The following SERF2 variants were observed in gnomAD, a reference collection of about 807,000 sequenced individuals.
SERF2 encodes the protein small EDRK-rich factor 2, also known as gastric cancer-related protein VRG107.
SERF2 carries 4 observed loss-of-function variants against 10.7 expected under a neutral mutation model. The observed-to-expected ratio is 0.37, with a 90% CI of 0.18 to 0.86. The LOEUF is 0.86. SERF2 is among the 40% of genes least tolerant of loss of function. SERF2 has a pLI of 0.43. For synonymous variants in SERF2, 26 were observed against 26.0 expected (o/e 1.00, Z 0.01); for missense variants, 47 against 79.1 (o/e 0.59, Z 1.54).
chr15:43,780,846 G>A (rs2086958823), intron 1 of SERF2, among the ~76,000 whole-genome samples: 1 of 152,134 alleles, frequency 6.6e-6, no homozygotes, highest in Non-Finnish European at 1.5e-5. Context: ...AGTTTGAGGT[G>A]CAACAGCAAA....
chr15:43,785,041 C>CCGCGCCCCGCCTGAA (rs1312258551), intron 1 of SERF2, among the ~76,000 whole-genome samples: 1 of 150,696 alleles, frequency 6.6e-6, no homozygotes, highest in African/African-American at 2.4e-5. Context: ...GCGTGAGCCA[C>CCGCGCCCCGCCTGAA]TGTGCTCTGC....
At chr15:43,786,850 G>T (rs892644698) in intron 2 of SERF2, among the ~76,000 whole-genome samples, 1 of 152,104 alleles carries the variant, frequency 6.6e-6, no homozygotes, top group South Asian at 2.1e-4. Context: ...TCATGTCAAC[G>T]GGAAACAGCA....
intron 1 of SERF2, among the ~76,000 whole-genome samples, chr15:43,784,426 G>A (rs1256605475): frequency 6.6e-6 from 1 of 152,020 alleles, no homozygotes; most frequent in African/African-American, 2.4e-5. Flanking sequence ...GGCACTCTGT[G>A]ACCTCCCTCT....
At chr15:43,778,760 G>A (rs976005650) in intron 1 of SERF2, among the ~76,000 whole-genome samples, 1 of 151,908 alleles carries the variant, frequency 6.6e-6, no homozygotes, top group Non-Finnish European at 1.5e-5. Flanking sequence ...AAATTAACCA[G>A]GTGTGGTGGC....
At chr15:43,790,954 G>C (rs1181361203), upstream of SERF2, among the ~76,000 whole-genome samples, 10 of 144,376 alleles carry the variant, frequency 6.9e-5, no homozygotes, top group African/African-American at 2.6e-4. Flanking sequence ...ATTTTTAGTA[G>C]AGACGGGGTT....
intron 1 of SERF2, 35 bp from the exon 2 acceptor site, chr15:43,792,940 G>A: frequency 6.8e-7 from 1 of 1,468,254 alleles, no homozygotes. Context: ...GGGCAGAGCG[G>A]CCCCCGCGTC....
At chr15:43,785,566 A>G (rs2086999826) in intron 2 of SERF2, 1 of 151,820 alleles carries the variant, frequency 6.6e-6, no homozygotes, top group African/African-American at 2.4e-5. Flanking sequence ...TGTTTTCTGA[A>G]TATCTGTTTT....
chr15:43,791,953 C>G (rs1048767044), upstream of SERF2: 1 of 257,982 alleles, frequency 3.9e-6, no homozygotes, highest in Admixed American at 4.6e-5. Context: ...ACCCCGCCCT[C>G]TTGTCTACGG....
Position 43,795,457 on chromosome 15 carries a change from T to TA in SERF2, c.*1685dup. On this transcript the variant is annotated 3_prime_UTR_variant, in exon 3 of 3. Coordinates refer to ENST00000249786, the MANE Select transcript of SERF2 (RefSeq NM_001018108.4). ...GAAGAAGACGAAGTGGAAGGCAGAATAGTTGTAGGAAAGATGCTGGACTTG... is the reference window on the plus strand; with the variant it reads ...GAAGAAGACGAAGTGGAAGGCAGAATAAGTTGTAGGAAAGATGCTGGACTTG... The TA allele has an allele frequency of 6.2e-7, 1 of 1,614,152 alleles. No homozygotes were observed. Among genetic ancestry groups the TA allele is most frequent in the Non-Finnish European group, 8.5e-7 (1 of 1,180,026 alleles).
intron 1 of SERF2, 49 bp from the exon 2 acceptor site, chr15:43,792,926 G>T: frequency 1.5e-6 from 2 of 1,356,602 alleles, no homozygotes; most frequent in Non-Finnish European, 2.1e-6. Context: ...GGTCGCCGGT[G>T]TGTGGGCAGA....
intron 2 of SERF2, 85 bp downstream of exon 2, chr15:43,793,168 C>A: frequency 1.2e-6 from 1 of 832,098 alleles, no homozygotes; most frequent in South Asian, 1.5e-5. Flanking sequence ...TACCTCAGGG[C>A]TTGAATGTGG....
intron 2 of SERF2, chr15:43,793,487 G>C: frequency 7.5e-7 from 1 of 1,325,140 alleles, no homozygotes; most frequent in Non-Finnish European, 1.0e-6. Flanking sequence ...CCTTGGGCCT[G>C]TGTCACCAGA....
upstream of SERF2, among the ~76,000 whole-genome samples, chr15:43,790,002 C>T (rs767586085): frequency 2.6e-5 from 4 of 152,024 alleles, no homozygotes; most frequent in Non-Finnish European, 4.4e-5. Flanking sequence ...ATTAGCCGAG[C>T]GTGGTGGCAC....
upstream of SERF2, chr15:43,791,867 A>G (rs117809344): frequency 6.7e-3 from 1,096 of 164,108 alleles, 19 homozygotes; most frequent in East Asian, 0.041. Context: ...ACTCGTGTCC[A>G]AATAAGTGGC....
chr15:43,789,943 C>A (rs1017984022), upstream of SERF2, among the ~76,000 whole-genome samples: 7 of 152,026 alleles, frequency 4.6e-5, no homozygotes, highest in Non-Finnish European at 1.0e-4. Context: ...GAGTTTGAGA[C>A]CAGCCTGACC....
upstream of SERF2, among the ~76,000 whole-genome samples, chr15:43,789,193 A>G (rs943538293): frequency 1.3e-5 from 2 of 151,632 alleles, no homozygotes; most frequent in Non-Finnish European, 2.9e-5. Context: ...CCAAATAAAA[A>G]CCCACCTGAT....
intron 1 of SERF2, among the ~76,000 whole-genome samples, chr15:43,781,445 GGGA>G (rs2086963195): frequency 6.6e-6 from 1 of 151,988 alleles, no homozygotes; most frequent in African/African-American, 2.4e-5. Context: ...CCAGCTACTC[GGGA>G]GGAGGAGACA....
chr15:43,793,133 C>A (rs749940048), intron 2 of SERF2, 50 bp downstream of exon 2: 2 of 1,217,378 alleles, frequency 1.6e-6, no homozygotes, highest in Non-Finnish European at 1.2e-6. Context: ...TGGGTTAGAC[C>A]AAGGGTTATA....
chr15:43,787,361 A>G (rs2087016474), upstream of SERF2, among the ~76,000 whole-genome samples: 1 of 152,072 alleles, frequency 6.6e-6, no homozygotes, highest in Non-Finnish European at 1.5e-5. Flanking sequence ...TGACTTAGCC[A>G]TTCAGTACCA....
Sources: gnomAD v4.1 joint callset for allele counts (sites outside exome capture counted in the v4.1 genomes callset) on GRCh38, gnomAD v4.1.1 for gene constraint, MANE v1.5 for transcripts, NCBI Gene and HGNC (gene_info 2026-07-23, HGNC 2026-07-21) for gene names.